The following PCNX2 variants were observed in gnomAD, a reference collection of about 807,000 sequenced individuals.
PCNX2 encodes pecanex 2.
PCNX2 carries 168 observed loss-of-function variants against 223.8 expected under a neutral mutation model. The observed-to-expected ratio is 0.75, with a 90% confidence interval of 0.66 to 0.85. PCNX2 has a LOEUF of 0.85. Among genes scored for constraint, PCNX2 ranks in the 40% least tolerant of loss-of-function variants. PCNX2 has a pLI of 0.00. For missense variants in PCNX2, 2,507 were observed against 2,675.5 expected (o/e 0.94, Z 1.39); for synonymous variants, 1,006 against 1,052.6 (o/e 0.96, Z 0.86).
the PCNX2 span, among the ~76,000 whole-genome samples, chr1:233,324,820 C>G: frequency 4.6e-5 from 7 of 151,808 alleles, no homozygotes; most frequent in South Asian, 1.5e-3. Flanking sequence ...AACTCCTGAC[C>G]TCAGGTGATC....
At chr1:233,305,088 G>A in the PCNX2 span, among the ~76,000 whole-genome samples, 1 of 152,018 alleles carries the variant, frequency 6.6e-6, no homozygotes, top group Non-Finnish European at 1.5e-5. Flanking sequence ...TCCCCAAAAT[G>A]ACAAAAACAA....
At chr1:233,187,480 C>G (rs114694889) in intron 15 of PCNX2, among the ~76,000 whole-genome samples, 1,556 of 152,260 alleles carry the variant, frequency 0.01, 26 homozygotes, top group African/African-American at 0.035. Flanking sequence ...CTGTATCCCT[C>G]ACTCCCCATC....
chr1:233,252,501 T>C lies in PCNX2; in HGVS notation c.1983-2A>G, dbSNP rs1362697979. The C allele has an allele frequency of 6.3e-7, 1 of 1,598,636 alleles. No homozygotes were observed. The highest frequency in any genetic ancestry group is 1.3e-5 in the African/African-American group (1 of 74,284). On this transcript the variant is annotated splice_acceptor_variant, in intron 6 of 33. Coordinates refer to ENST00000258229, the MANE Select transcript of PCNX2 (RefSeq NM_014801.4). LOFTEE classifies it high-confidence loss of function. ...TGTCTTTGTCTATTGCCCTGAAAAC[T>C]TAACACATATAAAAGTTTCAAAAAA... is the stretch of plus-strand genomic sequence containing the variant.
intron 25 of PCNX2, among the ~76,000 whole-genome samples, chr1:233,044,201 G>A (rs556938200): frequency 6.6e-6 from 1 of 152,308 alleles, no homozygotes; most frequent in East Asian, 1.9e-4. Context: ...CTGCATAAAT[G>A]TCTTCTTTTG....
chr1:233,114,391 G>A (rs188301235), intron 21 of PCNX2, among the ~76,000 whole-genome samples: 7 of 152,336 alleles, frequency 4.6e-5, no homozygotes, highest in African/African-American at 1.7e-4. Context: ...TTGGGCATGA[G>A]GAAGAACAGA....
At chr1:233,086,973 G>T in intron 23 of PCNX2, 2 of 943,744 alleles carry the variant, frequency 2.1e-6, no homozygotes, top group Non-Finnish European at 2.5e-6. Context: ...GTAGCAAGCA[G>T]GTTAGTTAGG....
intron 27 of PCNX2, among the ~76,000 whole-genome samples, chr1:233,016,028 C>T (rs149898178): frequency 1.4e-4 from 22 of 152,264 alleles, no homozygotes; most frequent in Middle Eastern, 3.4e-3. Flanking sequence ...GAGCTACAGC[C>T]GACAACATCA....
rs554831041 is a variant in PCNX2, at chr1:233,236,201, A to G, written c.2358+644T>C. ...AGCCTTCCCCATTACCCCTCCTCCA[A>G]AATGCCCAAAATTGAATCTGCAGCT... On this transcript the variant is annotated intron_variant, in intron 9 of 33. Coordinates refer to ENST00000258229, the MANE Select transcript of PCNX2 (RefSeq NM_014801.4). 3.3e-5 allele frequency among the ~76,000 whole-genome samples: 5 copies of G among 151,834 alleles called. No homozygotes were observed. In the East Asian group the frequency reaches 9.7e-4, roughly 29 times the overall value.
At chr1:233,267,188 A>G (rs756270937) in intron 1 of PCNX2, among the ~76,000 whole-genome samples, 1 of 152,102 alleles carries the variant, frequency 6.6e-6, no homozygotes, top group Admixed American at 6.5e-5. Flanking sequence ...GTGGTGGTGC[A>G]TGCTTGAAAT....
At chr1:233,244,356 T>C (rs1658972140) in intron 8 of PCNX2, among the ~76,000 whole-genome samples, 2 of 152,178 alleles carry the variant, frequency 1.3e-5, no homozygotes, top group African/African-American at 4.8e-5. Flanking sequence ...CAGTGTCAGA[T>C]TTTCCTCTGT....
At chr1:233,090,392 G>A (rs557239273) in intron 22 of PCNX2, among the ~76,000 whole-genome samples, 2 of 151,998 alleles carry the variant, frequency 1.3e-5, no homozygotes, top group African/African-American at 2.4e-5. Flanking sequence ...TCACCACCAC[G>A]TAAACCAAAT....
intron 9 of PCNX2, among the ~76,000 whole-genome samples, chr1:233,235,957 A>AAATATATATATATATAAAT (rs369886650): frequency 1.1e-5 from 1 of 93,114 alleles, no homozygotes; most frequent in Non-Finnish European, 2.2e-5. Context: ...CATAAAAAAA[A>AAATATATATATATATAAAT]ATATATATAT....
At chr1:233,214,013 G>C (rs1204910839) in intron 12 of PCNX2, among the ~76,000 whole-genome samples, 3 of 151,718 alleles carry the variant, frequency 2.0e-5, no homozygotes, top group East Asian at 3.9e-4. Flanking sequence ...ATTTTTAGTA[G>C]AGACGGGGTT....
chr1:233,044,634 A>C (rs1298785431), intron 25 of PCNX2, among the ~76,000 whole-genome samples: 2 of 152,166 alleles, frequency 1.3e-5, no homozygotes, highest in Non-Finnish European at 2.9e-5. Flanking sequence ...AGCCAAAAGA[A>C]TAGAATAGAA....
chr1:233,057,942 TTCAAATTGATTTCAGGAAA>T, intron 23 of PCNX2: 2 of 985,434 alleles, frequency 2.0e-6, no homozygotes, highest in Non-Finnish European at 2.4e-6. Context: ...TATCTTTCTC[TTCAAATTGATTTCAGGAAA>T]TGGTGGTGAG....
intron 23 of PCNX2, 53 bp from the exon 24 acceptor site, chr1:233,057,343 A>C (rs765151457): frequency 7.7e-6 from 11 of 1,434,158 alleles, no homozygotes; most frequent in African/African-American, 1.4e-5. Context: ...CCCCAAGCAG[A>C]AGAGTTGGTT....
At chr1:233,269,597 A>T (rs1027414623) in intron 1 of PCNX2, among the ~76,000 whole-genome samples, 1 of 152,206 alleles carries the variant, frequency 6.6e-6, no homozygotes, top group African/African-American at 2.4e-5. Context: ...GAAGGCAGGG[A>T]CATTTAAAAC....
At chr1:233,020,126 T>C (rs1295380084) in intron 26 of PCNX2, among the ~76,000 whole-genome samples, 1 of 152,220 alleles carries the variant, frequency 6.6e-6, no homozygotes, top group Non-Finnish European at 1.5e-5. Flanking sequence ...GAAGTCAGAA[T>C]AGTCAATGAG....
At chr1:232,984,783 G>C (rs1669408215) in intron 33 of PCNX2, 2 of 290,722 alleles carry the variant, frequency 6.9e-6, no homozygotes, top group Admixed American at 5.1e-5. Context: ...GCTGTAGTCA[G>C]TGTCACTTCA....
Sources: gnomAD v4.1 joint callset for allele counts (sites outside exome capture counted in the v4.1 genomes callset) on GRCh38, gnomAD v4.1.1 for gene constraint, MANE v1.5 for transcripts, NCBI Gene and HGNC (gene_info 2026-07-23, HGNC 2026-07-21) for gene names.